Variants in MACROD2 observed in about 807,000 individuals in gnomAD.
MACROD2 encodes ADP-ribose glycohydrolase MACROD2.
In MACROD2, 36 loss-of-function variants were observed where a neutral mutation model predicts 70.4. That is an observed-to-expected ratio of 0.51 (90% CI 0.39 to 0.68). MACROD2 has a LOEUF of 0.68. MACROD2 is among the 30% of genes least tolerant of loss of function. The pLI is 0.00. For missense variants in MACROD2, 496 were observed against 538.4 expected (o/e 0.92, Z 0.78); for synonymous variants, 172 against 178.8 (o/e 0.96, Z 0.30).
In MACROD2 at chr20:15,041,183, G is replaced by A. The variant is rs143047697; in HGVS notation, c.419-188757G>A. 7.7e-3 allele frequency among the ~76,000 whole-genome samples: 1,178 copies of A among 152,248 alleles called. 14 individuals are homozygous for A. The highest frequency in any genetic ancestry group is 0.026 in the African/African-American group (1,096 of 41,534). On this transcript the variant is annotated intron_variant, in intron 5 of 17. Transcript: ENST00000684519. ...TTTGTGGAAGAAAAAGCCAATAAAT[G>A]GGAAAGTTATTTTAATTCTATAATG...
chr20:14,701,317 C>T (rs1028491058), intron 5 of MACROD2, among the ~76,000 whole-genome samples: 5 of 152,138 alleles, frequency 3.3e-5, no homozygotes, highest in African/African-American at 4.8e-5. Flanking sequence ...CCCACCTTTT[C>T]ATTCTATCCT....
chr20:14,123,592 A>G (rs1313820193), intron 3 of MACROD2, among the ~76,000 whole-genome samples: 3 of 152,172 alleles, frequency 2.0e-5, no homozygotes, highest in African/African-American at 7.2e-5. Flanking sequence ...ATACCAGCCT[A>G]CCTAACGAAG....
chr20:15,023,583 C>T lies in MACROD2; in HGVS notation c.419-206357C>T, dbSNP rs1028991593. Among the ~76,000 whole-genome samples the T allele has an allele frequency of 5.9e-5, 9 of 152,112 alleles. 1 individual carries two copies. In the East Asian group the frequency reaches 1.2e-3, roughly 20 times the overall value. ...GTTCCACATGGCTGAGGAGGCCTCACGATCATGGCAGAGGGCAAAAGAGAA... is the reference window on the plus strand; with the variant it reads ...GTTCCACATGGCTGAGGAGGCCTCATGATCATGGCAGAGGGCAAAAGAGAA... On this transcript the variant is annotated intron_variant, in intron 5 of 17. Transcript: ENST00000684519.
intron 10 of MACROD2, among the ~76,000 whole-genome samples, chr20:15,906,555 C>A (rs948599227): frequency 6.6e-6 from 1 of 151,938 alleles, no homozygotes; most frequent in African/African-American, 2.4e-5. Context: ...ATTTTCAGAT[C>A]TCATTTAAGT....
chr20:15,207,937 A>G (rs1467534425), intron 5 of MACROD2, among the ~76,000 whole-genome samples: 1 of 152,132 alleles, frequency 6.6e-6, no homozygotes. Context: ...TTTTGAATCT[A>G]TAGGTTATAT....
chr20:15,933,913 G>A (rs901112004), intron 11 of MACROD2, among the ~76,000 whole-genome samples: 1 of 152,072 alleles, frequency 6.6e-6, no homozygotes, highest in African/African-American at 2.4e-5. Flanking sequence ...TGTGTCCATT[G>A]AAAGTTTATA....
intron 5 of MACROD2, among the ~76,000 whole-genome samples, chr20:14,752,347 G>A (rs2071884680): frequency 1.3e-5 from 2 of 151,684 alleles, no homozygotes; most frequent in Admixed American, 1.3e-4. Flanking sequence ...CCCTAGCTCA[G>A]TGAATCCTAC....
At chr20:14,567,839 A>C (rs1979910471) in intron 4 of MACROD2, among the ~76,000 whole-genome samples, 2 of 152,108 alleles carry the variant, frequency 1.3e-5, no homozygotes, top group Non-Finnish European at 2.9e-5. Flanking sequence ...ATTATAATCA[A>C]AACTTCTAAT....
chr20:14,170,243 G>A (rs1335362899), intron 3 of MACROD2, among the ~76,000 whole-genome samples: 2 of 152,156 alleles, frequency 1.3e-5, no homozygotes, highest in African/African-American at 2.4e-5. Context: ...GGAGCTTTTT[G>A]GAGGAGTCTT....
intron 5 of MACROD2, among the ~76,000 whole-genome samples, chr20:15,029,020 G>A (rs1054956693): frequency 7.2e-5 from 11 of 152,212 alleles, no homozygotes; most frequent in African/African-American, 2.6e-4. Context: ...CCAAGATTAG[G>A]ACTTCAGCTG....
At chr20:14,190,843 G>T (rs2081381853) in intron 3 of MACROD2, among the ~76,000 whole-genome samples, 1 of 149,312 alleles carries the variant, frequency 6.7e-6, no homozygotes, top group African/African-American at 2.5e-5. Context: ...GAGTAGCTGG[G>T]ACTATAGGCG....
intron 5 of MACROD2, among the ~76,000 whole-genome samples, chr20:15,110,725 C>T (rs779949231): frequency 6.6e-6 from 1 of 152,150 alleles, no homozygotes; most frequent in Non-Finnish European, 1.5e-5. Context: ...AGGGACTATG[C>T]GTGTCTCTGA....
chr20:15,955,422 C>G (rs1406794354), intron 12 of MACROD2, among the ~76,000 whole-genome samples: 1 of 152,112 alleles, frequency 6.6e-6, no homozygotes, highest in Non-Finnish European at 1.5e-5. Flanking sequence ...TCTCTTTCAT[C>G]CTCCAATTCC....
intron 5 of MACROD2, among the ~76,000 whole-genome samples, chr20:15,207,747 G>A (rs1221522947): frequency 6.6e-6 from 1 of 151,926 alleles, no homozygotes; most frequent in African/African-American, 2.4e-5. Context: ...GACCCCTCTG[G>A]CCCCCATTAC....
At chr20:14,701,666 G>C (rs1328719171) in intron 5 of MACROD2, among the ~76,000 whole-genome samples, 2 of 152,142 alleles carry the variant, frequency 1.3e-5, no homozygotes, top group African/African-American at 4.8e-5. Flanking sequence ...CTGCAGATGA[G>C]AGTCCGTGCA....
intron 8 of MACROD2, among the ~76,000 whole-genome samples, chr20:15,715,801 T>C (rs988798118): frequency 1.3e-5 from 2 of 152,064 alleles, no homozygotes; most frequent in Non-Finnish European, 2.9e-5. Context: ...CTAATCGAAG[T>C]GTTTGATGTT....
chr20:14,904,078 G>T (rs1322782529), intron 5 of MACROD2, among the ~76,000 whole-genome samples: 1 of 152,132 alleles, frequency 6.6e-6, no homozygotes, highest in Non-Finnish European at 1.5e-5. Flanking sequence ...GGACTCATGG[G>T]AGGGACTGTG....
chr20:14,290,219 C>T (rs574418265), intron 3 of MACROD2, among the ~76,000 whole-genome samples: 7 of 152,186 alleles, frequency 4.6e-5, no homozygotes, highest in African/African-American at 7.2e-5. Flanking sequence ...ACCCCTGTGA[C>T]GTGCAGTTTA....
intron 7 of MACROD2, among the ~76,000 whole-genome samples, chr20:15,470,669 T>C (rs563567110): frequency 2.0e-5 from 3 of 152,308 alleles, no homozygotes; most frequent in Non-Finnish European, 2.9e-5. Flanking sequence ...TCTGTGGTGG[T>C]CCAGGGCTGT....
Sources: allele counts gnomAD v4.1 joint callset (sites outside exome capture counted in the v4.1 genomes callset), GRCh38; gene constraint gnomAD v4.1.1; transcripts MANE v1.5; gene names NCBI Gene and HGNC (gene_info 2026-07-23, HGNC 2026-07-21).